The following SCFD2 variants were observed in gnomAD, a reference collection of about 807,000 sequenced individuals.
SCFD2 encodes the protein sec1 family domain-containing protein 2.
In SCFD2, 54 loss-of-function variants were observed where a neutral mutation model predicts 58.9. The ratio of observed to expected loss-of-function variants is 0.92; its 90% CI spans 0.74 to 1.15. SCFD2 has a LOEUF of 1.15. SCFD2 is among the 50% of genes most tolerant of loss of function. SCFD2 has a pLI of 0.00. For missense variants in SCFD2, 805 were observed against 836.6 expected (o/e 0.96, Z 0.47); for synonymous variants, 321 against 335.9 (o/e 0.96, Z 0.49).
At chr4:53,053,514 G>A (rs1176674632) in intron 5 of SCFD2, among the ~76,000 whole-genome samples, 3 of 152,120 alleles carry the variant, frequency 2.0e-5, no homozygotes, top group African/African-American at 4.8e-5. Context: ...TCTCAGCAAG[G>A]CATACAAAGC....
At chr4:53,184,402 A>C (rs575487956) in intron 4 of SCFD2, among the ~76,000 whole-genome samples, 1 of 152,272 alleles carries the variant, frequency 6.6e-6, no homozygotes, top group South Asian at 2.1e-4. Context: ...GAATCAGGAA[A>C]TAATTTCAAG....
intron 3 of SCFD2, among the ~76,000 whole-genome samples, chr4:53,290,211 A>G (rs140135696): frequency 1.3e-5 from 2 of 152,266 alleles, no homozygotes; most frequent in East Asian, 3.9e-4. Context: ...AAGATACACT[A>G]TATGTGAGGC....
intron 5 of SCFD2, among the ~76,000 whole-genome samples, chr4:53,048,127 G>A (rs978048713): frequency 6.6e-6 from 1 of 152,136 alleles, no homozygotes; most frequent in African/African-American, 2.4e-5. Context: ...GAAGTGGGTG[G>A]GTCACCTGAG....
At chr4:53,249,739 C>T (rs1730280113) in intron 4 of SCFD2, among the ~76,000 whole-genome samples, 1 of 151,882 alleles carries the variant, frequency 6.6e-6, no homozygotes, top group Admixed American at 6.6e-5. Flanking sequence ...AAAATACAGA[C>T]AAGCAAATGC....
intron 3 of SCFD2, among the ~76,000 whole-genome samples, chr4:53,300,288 G>C (rs1344282306): frequency 1.3e-5 from 2 of 150,842 alleles, no homozygotes; most frequent in East Asian, 2.0e-4. Context: ...AAAAAGGCAG[G>C]AGTTCCAATC....
At chr4:53,252,826 G>A (rs1262274356) in intron 4 of SCFD2, among the ~76,000 whole-genome samples, 2 of 152,108 alleles carry the variant, frequency 1.3e-5, no homozygotes, top group Non-Finnish European at 2.9e-5. Flanking sequence ...ACATAGGCAT[G>A]GGCAAGGACT....
Position 53,229,847 on chromosome 4 carries a change from G to C in SCFD2, c.1311+43979C>G, listed in dbSNP as rs187857589. 8.0e-3 allele frequency among the ~76,000 whole-genome samples: 1,211 copies of C among 152,174 alleles called. 6 individuals carry two copies. The highest frequency in any genetic ancestry group is 0.013 in the Non-Finnish European group (903 of 67,992). ...GAGTGAACAGGCAACCTACAGAATG[G>C]GAGAAAATTTTTGCAACCTATTCAT... On this transcript the variant is annotated intron_variant, in intron 4 of 8. Coordinates refer to ENST00000401642, the MANE Select transcript of SCFD2 (RefSeq NM_152540.4).
chr4:53,173,330 G>T (rs1316142433), intron 4 of SCFD2, among the ~76,000 whole-genome samples: 4 of 152,120 alleles, frequency 2.6e-5, no homozygotes, highest in South Asian at 2.1e-4. Context: ...AATATGCATT[G>T]CTTTTGCACC....
At chr4:52,973,377 A>T (rs1424670327) in intron 5 of SCFD2, among the ~76,000 whole-genome samples, 1 of 152,246 alleles carries the variant, frequency 6.6e-6, no homozygotes, top group Admixed American at 6.5e-5. Context: ...ACCATCAGAG[A>T]ATACTATAAA....
rs142490259 is a variant in SCFD2, at chr4:53,295,411, G to A, written c.1135+18225C>T. ...ATTGTCTTTGTAGCTATTGTGAATG[G>A]GAGTTCATTCATGATTTGGCTCTGT... is the stretch of plus-strand genomic sequence containing the variant. On this transcript the variant is annotated intron_variant, in intron 3 of 8. Coordinates refer to ENST00000401642, the MANE Select transcript of SCFD2 (RefSeq NM_152540.4). Among the ~76,000 whole-genome samples the A allele has an allele frequency of 6.1e-3, 936 of 152,224 alleles. 11 individuals are homozygous for A. The highest frequency in any genetic ancestry group is 0.021 in the African/African-American group (868 of 41,538).
intron 5 of SCFD2, chr4:52,956,156 C>A: frequency 2.2e-6 from 1 of 456,664 alleles, no homozygotes; most frequent in South Asian, 1.5e-5. Context: ...GGAAGAAGCC[C>A]AAGACTACTG....
chr4:53,005,857 C>T (rs1477845215), intron 5 of SCFD2, among the ~76,000 whole-genome samples: 1 of 152,180 alleles, frequency 6.6e-6, no homozygotes, highest in Non-Finnish European at 1.5e-5. Flanking sequence ...CCGACATTCA[C>T]CAACAGGGTT....
At chr4:53,237,752 C>T (rs1353846901) in intron 4 of SCFD2, among the ~76,000 whole-genome samples, 248 of 83,572 alleles carry the variant, frequency 3.0e-3, no homozygotes, top group Non-Finnish European at 3.5e-3. Flanking sequence ...CCGGACGGGG[C>T]GGCTGGCCGG....
intron 2 of SCFD2, among the ~76,000 whole-genome samples, chr4:53,331,558 G>A (rs984594241): frequency 4.6e-5 from 7 of 152,106 alleles, no homozygotes; most frequent in South Asian, 2.1e-4. Context: ...CGAGAACAAA[G>A]ACACAACATA....
intron 5 of SCFD2, among the ~76,000 whole-genome samples, chr4:53,059,098 T>G (rs1723430752): frequency 6.6e-6 from 1 of 152,066 alleles, no homozygotes; most frequent in Non-Finnish European, 1.5e-5. Flanking sequence ...GTTTAGAATA[T>G]CAAATTTCTT....
chr4:52,963,719 C>T (rs1483227), intron 5 of SCFD2, among the ~76,000 whole-genome samples: 50,431 of 151,978 alleles, frequency 0.33, 9,389 homozygotes, highest in Admixed American at 0.46. Flanking sequence ...AGACAGGATT[C>T]TCTTCTGTAA....
At chr4:53,273,805 G>A (rs757193573) in intron 4 of SCFD2, 21 bp downstream of exon 4, 21 of 1,586,990 alleles carry the variant, frequency 1.3e-5, no homozygotes, top group Non-Finnish European at 1.6e-5. Flanking sequence ...AAGATCCCAC[G>A]AGGTTCCCAT....
intron 4 of SCFD2, among the ~76,000 whole-genome samples, chr4:53,214,500 G>A (rs1728742672): frequency 6.6e-6 from 1 of 151,176 alleles, no homozygotes; most frequent in Non-Finnish European, 1.5e-5. Context: ...TTTTGATGGG[G>A]TTGTTTTTTT....
chr4:52,992,989 T>C (rs1721657168), intron 5 of SCFD2, among the ~76,000 whole-genome samples: 1 of 151,580 alleles, frequency 6.6e-6, no homozygotes, highest in Non-Finnish European at 1.5e-5. Flanking sequence ...AGAAATCAGA[T>C]TGTTGCTGTG....
Sources: allele counts gnomAD v4.1 joint callset (sites outside exome capture counted in the v4.1 genomes callset), GRCh38; gene constraint gnomAD v4.1.1; transcripts MANE v1.5; gene names NCBI Gene and HGNC (gene_info 2026-07-23, HGNC 2026-07-21).